Variants in CHRNA6 observed in about 807,000 individuals in gnomAD.
The protein encoded by CHRNA6 is neuronal acetylcholine receptor subunit alpha-6.
CHRNA6 carries 31 observed loss-of-function variants against 40.9 expected under a neutral mutation model. The observed-to-expected ratio is 0.76, with a 90% CI of 0.57 to 1.02. CHRNA6 has a LOEUF of 1.02. CHRNA6 is among the 50% of genes least tolerant of loss of function. The pLI is 0.00. For missense variants in CHRNA6, 546 were observed against 596.6 expected (o/e 0.92, Z 0.88); for synonymous variants, 222 against 221.3 (o/e 1.00, Z -0.03).
At chr8:42,764,119 A>G (rs1369969362) in intron 2 of CHRNA6, among the ~76,000 whole-genome samples, 2 of 152,036 alleles carry the variant, frequency 1.3e-5, no homozygotes, top group Non-Finnish European at 2.9e-5. Flanking sequence ...TGAGCCCTGG[A>G]GCCCAGACCT....
chr8:42,762,807 G>A (rs1287741949), intron 2 of CHRNA6, among the ~76,000 whole-genome samples: 1 of 152,198 alleles, frequency 6.6e-6, no homozygotes, highest in Non-Finnish European at 1.5e-5. Context: ...CCTGCTCTAT[G>A]ATTCCAGTTA....
At chr8:42,761,625 G>T (rs1461423711) in intron 2 of CHRNA6, among the ~76,000 whole-genome samples, 2 of 152,226 alleles carry the variant, frequency 1.3e-5, no homozygotes, top group Admixed American at 1.3e-4. Context: ...CTTCAGAGAT[G>T]TCAGCTGACC....
rs1315108119 is a variant in CHRNA6 at position 42,756,477 on chromosome 8, A to G, written c.722T>C (p.Met241Thr). The G allele has an allele frequency of 3.1e-6, 5 of 1,614,194 alleles. No homozygotes were observed. Among genetic ancestry groups the G allele is most frequent in the Non-Finnish European group, 4.2e-6 (5 of 1,180,022 alleles). Residue 241 changes from methionine to threonine, a missense_variant, in exon 5 of 6, where the codon ATG becomes ACG. Physicochemically the swap from Met to Thr is moderately conservative, Grantham distance 81. This residue lies in a region of CHRNA6 where 476 missense variants were observed against 494.5 expected (regional missense o/e 0.96). Transcript: ENST00000276410. ...TYSFYIRRLP[M>T]FYTINLIIPC... is the part of the protein sequence containing the mutation. Reference sequence around the variant, plus strand: ...GATGATCAGATTAATCGTGTAAAACATCGGCAATCTTCTAATGTAGAAAGA... The same window carrying G: ...GATGATCAGATTAATCGTGTAAAACGTCGGCAATCTTCTAATGTAGAAAGA...
chr8:42,758,907 C>T (rs187615514), intron 3 of CHRNA6, among the ~76,000 whole-genome samples, 162 bp downstream of exon 3: 1 of 152,318 alleles, frequency 6.6e-6, no homozygotes, highest in East Asian at 1.9e-4. Context: ...ACCTGTGAAG[C>T]ATGCATCAAG....
chr8:42,765,537 T>G (rs760804593), intron 1 of CHRNA6, among the ~76,000 whole-genome samples: 2 of 152,212 alleles, frequency 1.3e-5, no homozygotes, highest in Non-Finnish European at 2.9e-5. Context: ...GAATCTTCAC[T>G]TATGTCACTG....
intron 2 of CHRNA6, among the ~76,000 whole-genome samples, chr8:42,764,016 G>C (rs924610311): frequency 6.6e-6 from 1 of 152,158 alleles, no homozygotes; most frequent in Non-Finnish European, 1.5e-5. Context: ...CCCCCTCTGT[G>C]TCCTGTAGTC....
At chr8:42,762,563 C>T (rs760257378) in intron 2 of CHRNA6, among the ~76,000 whole-genome samples, 6 of 152,170 alleles carry the variant, frequency 3.9e-5, no homozygotes, top group Admixed American at 6.5e-5. Flanking sequence ...GGAGTAGAAT[C>T]GCTTGAGCCC....
chr8:42,763,850 G>A (rs1816937727), intron 2 of CHRNA6, among the ~76,000 whole-genome samples: 2 of 152,182 alleles, frequency 1.3e-5, no homozygotes, highest in African/African-American at 4.8e-5. Flanking sequence ...TGAGAAGCAT[G>A]GACTGGAGAA....
intron 1 of CHRNA6, among the ~76,000 whole-genome samples, chr8:42,765,886 A>T (rs1816969779): frequency 6.6e-6 from 1 of 152,256 alleles, no homozygotes. Flanking sequence ...CAAGCCAGTC[A>T]GAATGGCAGT....
At chr8:42,759,411 C>A in intron 2 of CHRNA6, 1 of 294,934 alleles carries the variant, frequency 3.4e-6, no homozygotes, top group Non-Finnish European at 6.5e-6. Context: ...GTTTCTAGTT[C>A]CATGAAAGGA....
In CHRNA6 at chr8:42,768,433, T is replaced by C. The variant is rs956954467; in HGVS notation, c.-3A>G. 1 of 1,612,388 alleles carries C rather than the reference T, an allele frequency of 6.2e-7. No individual in the cohort carries two copies. The highest frequency in any genetic ancestry group is 8.5e-7 in the Non-Finnish European group (1 of 1,178,636). ...CCCTGCCCCTTGCTGGTCAGCATGG[T>C]TAAAACACACTTGGATTCCTTTTTC... is the stretch of plus-strand genomic sequence containing the variant. On this transcript the variant is annotated 5_prime_UTR_variant, in exon 1 of 6. An upstream open reading frame in the 5' UTR loses its in-frame stop. Transcript: ENST00000276410.
intron 1 of CHRNA6, among the ~76,000 whole-genome samples, chr8:42,767,791 G>C (rs935360728): frequency 6.6e-6 from 1 of 152,084 alleles, no homozygotes; most frequent in African/African-American, 2.4e-5. Context: ...CCCTCCATCA[G>C]CCTTGAAAAG....
chr8:42,759,218 C>T, intron 2 of CHRNA6, 105 bp from the exon 3 acceptor site: 1 of 833,596 alleles, frequency 1.2e-6, no homozygotes, highest in Non-Finnish European at 2.0e-6. Flanking sequence ...CTTATTCATG[C>T]CAATAGAAGA....
intron 2 of CHRNA6, among the ~76,000 whole-genome samples, chr8:42,760,540 CCACTCACACTCAGGCA>C (rs1382588615): frequency 6.6e-6 from 1 of 150,804 alleles, no homozygotes; most frequent in Non-Finnish European, 1.5e-5. Flanking sequence ...ACACTCATAC[CCACTCACACTCAGGCA>C]CACTCACACA....
chr8:42,766,174 C>A (rs192612005), intron 1 of CHRNA6, among the ~76,000 whole-genome samples: 2 of 152,258 alleles, frequency 1.3e-5, no homozygotes. Context: ...ACCCAAATGC[C>A]CATCAATGAT....
intron 2 of CHRNA6, among the ~76,000 whole-genome samples, chr8:42,764,622 C>T (rs1002936557): frequency 7.2e-5 from 11 of 152,106 alleles, no homozygotes; most frequent in Non-Finnish European, 8.8e-5. Context: ...CCACCACGCC[C>T]GGCCTTAAAG....
intron 2 of CHRNA6, among the ~76,000 whole-genome samples, chr8:42,760,598 G>A (rs1248566380): frequency 6.7e-6 from 1 of 149,220 alleles, no homozygotes; most frequent in African/African-American, 2.5e-5. Flanking sequence ...TGGTGCACAT[G>A]CACACACACT....
In CHRNA6 at chr8:42,768,520, A is replaced by G; in HGVS notation, c.-90T>C. The G allele has an allele frequency of 4.4e-6, 4 of 908,910 alleles. No individual in the cohort carries two copies. Among genetic ancestry groups the G allele is most frequent in the Non-Finnish European group, 7.3e-6 (4 of 551,714 alleles). 56.3% of individuals were successfully genotyped at this position (908,910 alleles called of 1,614,324 possible). ...TCAGCCACATGCATCCAACCTTGAC[A>G]TCATCAGAAGCCCACTGCAATCCGT... On this transcript the variant is annotated 5_prime_UTR_variant, in exon 1 of 6. An upstream start codon of the reference 5' UTR is lost. Coordinates refer to ENST00000276410, the MANE Select transcript of CHRNA6 (RefSeq NM_004198.3).
intron 2 of CHRNA6, among the ~76,000 whole-genome samples, chr8:42,764,697 T>G (rs1441150796): frequency 1.3e-5 from 2 of 152,188 alleles, no homozygotes; most frequent in African/African-American, 4.8e-5. Context: ...TTTGCCATTT[T>G]GTAGTTGTAT....
Sources: gnomAD v4.1 joint callset for allele counts (sites outside exome capture counted in the v4.1 genomes callset) on GRCh38, gnomAD v4.1.1 for gene constraint, gnomAD v4.1.1 regional missense constraint, MANE v1.5 for transcripts, NCBI Gene and HGNC (gene_info 2026-07-23, HGNC 2026-07-21) for gene names.